Variants in CNTN1 observed in about 807,000 individuals in gnomAD.
The protein encoded by CNTN1 is contactin 1, also known as contactin-1.
Under a neutral mutation model 126.4 loss-of-function variants are expected in CNTN1, and 38 were observed. The ratio of observed to expected loss-of-function variants is 0.30; its 90% CI spans 0.23 to 0.39. The LOEUF (loss-of-function observed/expected upper bound fraction) is 0.39. CNTN1 is among the 10% of genes least tolerant of loss of function. The probability of loss-of-function intolerance (pLI) is 1.00; values close to 1 mark genes in which losing one functional copy is unlikely to be tolerated. For synonymous variants in CNTN1, 413 were observed against 422.6 expected (o/e 0.98, Z 0.28); for missense variants, 1,009 against 1,248.4 (o/e 0.81, Z 2.89).
chr12:41,049,969 G>A (rs1411644358), intron 23 of CNTN1, among the ~76,000 whole-genome samples: 1 of 152,066 alleles, frequency 6.6e-6, no homozygotes, highest in Non-Finnish European at 1.5e-5. Context: ...GCACAATCTC[G>A]GCTTACTGCA....
chr12:40,710,975 G>C (rs1299233818), intron 1 of CNTN1, among the ~76,000 whole-genome samples: 1 of 139,160 alleles, frequency 7.2e-6, no homozygotes, highest in Non-Finnish European at 1.5e-5. Flanking sequence ...ACCTCTTCTA[G>C]AAGAAGACAC....
At chr12:41,021,270 G>A (rs1205129161) in intron 20 of CNTN1, among the ~76,000 whole-genome samples, 2 of 152,038 alleles carry the variant, frequency 1.3e-5, no homozygotes, top group Non-Finnish European at 2.9e-5. Context: ...CAAAGTTCGG[G>A]GTTTTATTGC....
At chr12:40,804,417 T>C (rs1940767892) in intron 1 of CNTN1, among the ~76,000 whole-genome samples, 1 of 152,008 alleles carries the variant, frequency 6.6e-6, no homozygotes, top group Non-Finnish European at 1.5e-5. Context: ...CATTTCGCAG[T>C]TGTTGTTTTG....
chr12:40,939,172 C>T (rs1480109845), intron 11 of CNTN1, among the ~76,000 whole-genome samples, 163 bp from the exon 12 acceptor site: 4 of 152,110 alleles, frequency 2.6e-5, no homozygotes, highest in Non-Finnish European at 4.4e-5. Context: ...ATAAAAGTTA[C>T]AAAGCATTAG....
At chr12:41,038,922 A>C (rs1949332254) in intron 23 of CNTN1, among the ~76,000 whole-genome samples, 1 of 152,088 alleles carries the variant, frequency 6.6e-6, no homozygotes, top group Non-Finnish European at 1.5e-5. Context: ...AGTGAGAGAA[A>C]AGTTGAAGAA....
intron 17 of CNTN1, among the ~76,000 whole-genome samples, chr12:41,006,527 A>G (rs1178051801): frequency 2.6e-5 from 4 of 152,216 alleles, no homozygotes; most frequent in Non-Finnish European, 4.4e-5. Context: ...GATCCACCAT[A>G]TAGTTCTGCA....
chr12:41,057,182 T>C (rs1949843706), intron 23 of CNTN1, among the ~76,000 whole-genome samples: 1 of 130,438 alleles, frequency 7.7e-6, no homozygotes, highest in South Asian at 2.2e-4. Flanking sequence ...ATATTATAAA[T>C]ATTTAGATAT....
intron 1 of CNTN1, among the ~76,000 whole-genome samples, chr12:40,728,013 T>C (rs750412791): frequency 2.0e-4 from 31 of 152,146 alleles, no homozygotes; most frequent in Non-Finnish European, 4.0e-4. Flanking sequence ...GCAGATCTTC[T>C]TAGGCCAGGA....
chr12:40,718,914 T>C (rs570748730), intron 1 of CNTN1, among the ~76,000 whole-genome samples: 28 of 152,240 alleles, frequency 1.8e-4, no homozygotes, highest in African/African-American at 5.8e-4. Context: ...TTTTTTTTTT[T>C]CCCATTAGAG....
chr12:40,782,820 TA>T (rs993848768), intron 1 of CNTN1, among the ~76,000 whole-genome samples: 1 of 151,896 alleles, frequency 6.6e-6, no homozygotes, highest in Non-Finnish European at 1.5e-5. Context: ...GGTAGCCAAA[TA>T]AAAAAAATTT....
intron 1 of CNTN1, among the ~76,000 whole-genome samples, chr12:40,808,542 TTA>T (rs1306904608): frequency 6.6e-6 from 1 of 151,744 alleles, no homozygotes; most frequent in Non-Finnish European, 1.5e-5. Flanking sequence ...TAGGAATGAT[TTA>T]GAGTATTTAG....
At chr12:40,815,556 T>A (rs1941228632) in intron 1 of CNTN1, among the ~76,000 whole-genome samples, 1 of 152,126 alleles carries the variant, frequency 6.6e-6, no homozygotes, top group Admixed American at 6.6e-5. Context: ...TGGGCTGAGA[T>A]GATGGGGTTT....
At chr12:40,721,600 T>C (rs1467313688) in intron 1 of CNTN1, among the ~76,000 whole-genome samples, 2 of 150,776 alleles carry the variant, frequency 1.3e-5, no homozygotes, top group African/African-American at 2.4e-5. Flanking sequence ...GTGCACAATG[T>C]GCAGGTTAGT....
At chr12:41,029,828 A>G (rs1949107797) in intron 23 of CNTN1, among the ~76,000 whole-genome samples, 1 of 151,994 alleles carries the variant, frequency 6.6e-6, no homozygotes, top group East Asian at 1.9e-4. Flanking sequence ...TCTCTATCTT[A>G]TCTATTCCTT....
intron 1 of CNTN1, among the ~76,000 whole-genome samples, chr12:40,907,547 A>G (rs894070394): frequency 6.6e-6 from 1 of 152,202 alleles, no homozygotes; most frequent in Non-Finnish European, 1.5e-5. Context: ...GTGTAATCAC[A>G]TGGTCGTACA....
At chr12:40,847,172 A>C (rs922093951) in intron 1 of CNTN1, among the ~76,000 whole-genome samples, 1 of 151,924 alleles carries the variant, frequency 6.6e-6, no homozygotes, top group Non-Finnish European at 1.5e-5. Flanking sequence ...GGCCCTCCTT[A>C]TAGTCTTGAT....
intron 3 of CNTN1, 119 bp downstream of exon 3, chr12:40,910,224 A>G (rs990888187): frequency 5.1e-6 from 4 of 777,032 alleles, no homozygotes; most frequent in Admixed American, 2.1e-5. Flanking sequence ...TTAGATCACT[A>G]TGAAATTTTG....
intron 1 of CNTN1, among the ~76,000 whole-genome samples, chr12:40,778,534 A>T (rs1939674665): frequency 6.6e-6 from 1 of 151,862 alleles, no homozygotes; most frequent in Admixed American, 6.6e-5. Flanking sequence ...TCAATTCTAC[A>T]AATAGACAAA....
At chr12:40,821,808 G>A (rs1479753068) in intron 1 of CNTN1, among the ~76,000 whole-genome samples, 1 of 151,964 alleles carries the variant, frequency 6.6e-6, no homozygotes, top group African/African-American at 2.4e-5. Flanking sequence ...GATGACATTA[G>A]AAGTATTTTT....
Sources: gnomAD v4.1 joint callset for allele counts (sites outside exome capture counted in the v4.1 genomes callset) on GRCh38, gnomAD v4.1.1 for gene constraint, MANE v1.5 for transcripts, NCBI Gene and HGNC (gene_info 2026-07-23, HGNC 2026-07-21) for gene names.